The following KHDRBS2 variants were observed in gnomAD, a reference collection of about 807,000 sequenced individuals.
KHDRBS2 encodes the protein KH RNA binding domain containing, signal transduction associated 2.
Under a neutral mutation model 44.3 loss-of-function variants are expected in KHDRBS2, and 26 were observed. The observed-to-expected ratio is 0.59, with a 90% CI of 0.43 to 0.81. The LOEUF is 0.81. Ranked by LOEUF, KHDRBS2 falls within the 40% of genes least tolerant of loss-of-function variation. The probability of loss-of-function intolerance (pLI) is 0.00; values close to 1 mark genes in which losing one functional copy is unlikely to be tolerated. For missense variants in KHDRBS2, 476 were observed against 433.1 expected (o/e 1.10, Z -0.88); for synonymous variants, 194 against 151.1 (o/e 1.28, Z -2.08).
chr6:61,701,577 C>G (rs761057623), intron 7 of KHDRBS2, among the ~76,000 whole-genome samples: 10 of 151,956 alleles, frequency 6.6e-5, no homozygotes, highest in Non-Finnish European at 1.3e-4. Context: ...GATTAAGATA[C>G]GGCCATGGAT....
At chr6:61,950,022 G>C (rs577404632) in intron 4 of KHDRBS2, among the ~76,000 whole-genome samples, 1 of 152,104 alleles carries the variant, frequency 6.6e-6, no homozygotes, top group Admixed American at 6.6e-5. Context: ...AGTTCTGAAA[G>C]CTGGTTGTTG....
At chr6:61,873,978 T>C (rs1012791628) in intron 6 of KHDRBS2, among the ~76,000 whole-genome samples, 6 of 151,438 alleles carry the variant, frequency 4.0e-5, no homozygotes, top group African/African-American at 1.2e-4. Context: ...GTGTACTTTA[T>C]GAATATTTTA....
chr6:61,894,749 C>T lies in KHDRBS2; in HGVS notation c.696G>A (p.Ala232=), dbSNP rs765458449. The T allele has an allele frequency of 3.3e-5, 53 of 1,613,448 alleles. No individual in the cohort carries two copies. The highest frequency in any genetic ancestry group is 1.6e-4 in the East Asian group (7 of 44,860). The stretch of plus-strand genomic sequence containing the variant: ...CTCTTGCTACAGGTGGCACTGGAAG[C>T]GCTCCACGGGTTACAGTGCTTCCCC... ...TPRGSTVTRG[A]LPVPPVARGV... is the part of the protein sequence containing the mutation. Residue 232 remains alanine (A), a synonymous_variant, in exon 6 of 9, where the codon GCG becomes GCA. Coordinates refer to ENST00000281156, the MANE Select transcript of KHDRBS2 (RefSeq NM_152688.4).
chr6:62,216,762 A>C (rs1030102788), intron 1 of KHDRBS2, among the ~76,000 whole-genome samples: 1 of 148,304 alleles, frequency 6.7e-6, no homozygotes, highest in African/African-American at 2.5e-5. Context: ...TACCAGTTTC[A>C]AGTAGACCAG....
chr6:62,186,097 G>A (rs1229695453), intron 1 of KHDRBS2, among the ~76,000 whole-genome samples: 2 of 151,992 alleles, frequency 1.3e-5, no homozygotes, highest in African/African-American at 4.8e-5. Context: ...TCTGCCACTT[G>A]TTAACTGTGT....
intron 4 of KHDRBS2, among the ~76,000 whole-genome samples, chr6:61,963,343 T>C (rs1266753168): frequency 6.6e-6 from 1 of 152,092 alleles, no homozygotes; most frequent in East Asian, 1.9e-4. Flanking sequence ...GCTACTGTTT[T>C]AAGAACTAAC....
intron 6 of KHDRBS2, among the ~76,000 whole-genome samples, chr6:61,733,332 T>G (rs1774792615): frequency 6.6e-6 from 1 of 152,200 alleles, no homozygotes; most frequent in Non-Finnish European, 1.5e-5. Context: ...GGCTCATGCC[T>G]GTAATCCCAG....
At chr6:62,228,281 T>C (rs1330860335) in intron 1 of KHDRBS2, among the ~76,000 whole-genome samples, 7 of 152,210 alleles carry the variant, frequency 4.6e-5, no homozygotes, top group Non-Finnish European at 1.0e-4. Context: ...AATGTATCTA[T>C]TTCTTCTTGA....
chr6:62,037,660 T>G (rs1251335489), intron 3 of KHDRBS2, among the ~76,000 whole-genome samples: 1 of 151,984 alleles, frequency 6.6e-6, no homozygotes, highest in Non-Finnish European at 1.5e-5. Context: ...TCCAAATTCT[T>G]TAAATTAAGG....
rs1451637047 is a variant in KHDRBS2 at position 61,738,605 on chromosome 6, A to T, written c.811-5841T>A. On this transcript the variant is annotated intron_variant, in intron 6 of 8. Coordinates refer to ENST00000281156, the MANE Select transcript of KHDRBS2 (RefSeq NM_152688.4). Reference sequence around the variant, plus strand: ...GGCAATTTCTTTGTAGCTTGCTATGAATTATAGACCACTTCACGCATTTGG... The same window carrying T: ...GGCAATTTCTTTGTAGCTTGCTATGTATTATAGACCACTTCACGCATTTGG... Among the ~76,000 whole-genome samples, 5 of 152,096 alleles carry T rather than the reference A, an allele frequency of 3.3e-5. No individual in the cohort carries two copies. The East Asian group carries it at 9.6e-4, about 29-fold the overall frequency.
intron 6 of KHDRBS2, among the ~76,000 whole-genome samples, chr6:61,747,207 A>G (rs1162167769): frequency 6.6e-6 from 1 of 152,182 alleles, no homozygotes; most frequent in Admixed American, 6.5e-5. Flanking sequence ...TGTTGTTGGC[A>G]TCATCATAGC....
At chr6:61,753,506 G>A (rs1386307007) in intron 6 of KHDRBS2, among the ~76,000 whole-genome samples, 1 of 152,178 alleles carries the variant, frequency 6.6e-6, no homozygotes, top group Non-Finnish European at 1.5e-5. Context: ...AGCAGAGAGA[G>A]AATTGCAATT....
intron 2 of KHDRBS2, among the ~76,000 whole-genome samples, chr6:62,153,848 C>A (rs748813558): frequency 6.6e-6 from 1 of 152,144 alleles, no homozygotes; most frequent in Non-Finnish European, 1.5e-5. Flanking sequence ...CCAGGCTTTG[C>A]CTAAAGCATT....
intron 4 of KHDRBS2, among the ~76,000 whole-genome samples, chr6:61,931,771 ACT>A (rs1247505518): frequency 6.6e-6 from 1 of 152,040 alleles, no homozygotes; most frequent in African/African-American, 2.4e-5. Context: ...GAAAAGTTGC[ACT>A]GAGTGTGTCT....
intron 7 of KHDRBS2, among the ~76,000 whole-genome samples, chr6:61,728,553 G>T (rs1185470309): frequency 1.3e-5 from 2 of 152,138 alleles, no homozygotes; most frequent in Admixed American, 1.3e-4. Flanking sequence ...GTACTGGAAT[G>T]ATTAAATTGT....
At chr6:61,857,461 T>G (rs1257884417) in intron 6 of KHDRBS2, among the ~76,000 whole-genome samples, 1 of 151,970 alleles carries the variant, frequency 6.6e-6, no homozygotes, top group Non-Finnish European at 1.5e-5. Context: ...AATTTTTTTT[T>G]TCAAATCAAG....
At chr6:62,047,139 T>C (rs1787884475) in intron 3 of KHDRBS2, among the ~76,000 whole-genome samples, 1 of 151,896 alleles carries the variant, frequency 6.6e-6, no homozygotes, top group Admixed American at 6.6e-5. Context: ...GTCACAAAAG[T>C]GTGGCCTGGT....
At chr6:62,054,646 T>C (rs1045255202) in intron 2 of KHDRBS2, among the ~76,000 whole-genome samples, 4 of 151,980 alleles carry the variant, frequency 2.6e-5, no homozygotes, top group African/African-American at 9.7e-5. Context: ...AGGGATACAA[T>C]TGCTGGCTTT....
intron 2 of KHDRBS2, among the ~76,000 whole-genome samples, chr6:62,062,802 G>A (rs1429612975): frequency 6.8e-6 from 1 of 147,372 alleles, no homozygotes; most frequent in African/African-American, 2.5e-5. Context: ...AGGAAATAGA[G>A]ACACAAAAAA....
Sources: gnomAD v4.1 joint callset for allele counts (sites outside exome capture counted in the v4.1 genomes callset) on GRCh38, gnomAD v4.1.1 for gene constraint, MANE v1.5 for transcripts, NCBI Gene and HGNC (gene_info 2026-07-23, HGNC 2026-07-21) for gene names.